LIN28A: variants seen among roughly 807,000 people sequenced by gnomAD.
The protein encoded by LIN28A is protein lin-28 homolog A.
A neutral mutation model predicts 21.1 loss-of-function variants in LIN28A; 11 were observed. That is an observed-to-expected ratio of 0.52 (90% confidence interval 0.33 to 0.86). LIN28A has a LOEUF of 0.86. Among genes scored for constraint, LIN28A ranks in the 40% least tolerant of loss-of-function variants. The pLI is 0.03. For synonymous variants in LIN28A, 111 were observed against 108.7 expected, an observed-to-expected ratio of 1.02 and a Z score of -0.13; for missense variants, 219 against 279.8, an observed-to-expected ratio of 0.78 and a Z score of 1.55.
chr1:26,411,238 T>G lies in LIN28A; in HGVS notation c.32-148T>G. 1 of 813,016 alleles carries G rather than the reference T, an allele frequency of 1.2e-6. No individual in the cohort carries two copies. Among genetic ancestry groups the G allele is most frequent in the Non-Finnish European group, 1.9e-6 (1 of 535,410 alleles). 50.4% of individuals were successfully genotyped at this position (813,016 alleles called of 1,614,324 possible). ...AGGGGAACGCGGGAGGCGACCGGGATAGGTTTCTTCTCTTCTGTTGCTTGG... is the reference window on the plus strand; with the variant it reads ...AGGGGAACGCGGGAGGCGACCGGGAGAGGTTTCTTCTCTTCTGTTGCTTGG... On this transcript the variant is annotated intron_variant, in intron 1 of 3. Transcript: ENST00000326279. The surrounding 1 kb of genome is among the most constrained non-coding windows in gnomAD (Gnocchi z 5.4).
At chr1:26,425,187 C>T (rs935757392) in intron 2 of LIN28A, 116 bp from the exon 3 acceptor site, 37 of 972,922 alleles carry the variant, frequency 3.8e-5, no homozygotes, top group Non-Finnish European at 5.4e-5. Flanking sequence ...GTTTCCTTAC[C>T]AGTAAAATAG....
rs1227999059 is a variant in LIN28A, at chr1:26,411,266, G to C, written c.32-120G>C. 3.1e-6 allele frequency: 3 copies of C among 977,282 alleles called. No homozygotes were observed. The highest frequency in any genetic ancestry group is 4.4e-6 in the Non-Finnish European group (3 of 683,426). The allele number at this position is 977,282 out of a possible 1,614,324, so 60.5% of individuals were successfully genotyped here. A position where few individuals can be genotyped will look rare whatever the true frequency, so the allele number is the denominator to read the frequency against. On this transcript the variant is annotated intron_variant, in intron 1 of 3. Transcript: ENST00000326279. This position sits in a 1 kb window ranked among gnomAD's most constrained non-coding sequence, Gnocchi z 5.4. The stretch of plus-strand genomic sequence containing the variant: ...GTTTCTTCTCTTCTGTTGCTTGGTA[G>C]CTGCCCCCTCCTGGCTGTCCACTTG...
chr1:26,418,542 TAAAAA>T (rs10680192), intron 2 of LIN28A, among the ~76,000 whole-genome samples: 1 of 144,492 alleles, frequency 6.9e-6, no homozygotes, highest in Admixed American at 6.9e-5. Flanking sequence ...CCAGACTTTT[TAAAAA>T]AAAAAAAAAG....
chr1:26,426,527 G>A lies in LIN28A; in HGVS notation c.*69G>A, dbSNP rs1331077199. The A allele has an allele frequency of 5.5e-6, 7 of 1,271,856 alleles. No homozygotes were observed. The highest frequency in any genetic ancestry group is 3.7e-5 in the South Asian group (3 of 80,644). 78.8% of individuals were successfully genotyped at this position (1,271,856 alleles called of 1,614,324 possible). A position where few individuals can be genotyped will look rare whatever the true frequency, so the allele number is the denominator to read the frequency against. On this transcript the variant is annotated 3_prime_UTR_variant, in exon 4 of 4. Coordinates refer to ENST00000326279, the MANE Select transcript of LIN28A (RefSeq NM_024674.6). ...GAGGAGCAGGCAGAGTGGAGAAAGT[G>A]GGAATAGGGTGCATTGGGGCTAGTT...
At chr1:26,424,461 C>T (rs1202053413) in intron 2 of LIN28A, among the ~76,000 whole-genome samples, 2 of 152,078 alleles carry the variant, frequency 1.3e-5, no homozygotes, top group Admixed American at 6.6e-5. Flanking sequence ...AGGCTGGTCT[C>T]GAACTCTGGA....
chr1:26,421,858 G>T (rs188990188), intron 2 of LIN28A, among the ~76,000 whole-genome samples: 1 of 151,800 alleles, frequency 6.6e-6, no homozygotes, highest in African/African-American at 2.4e-5. Flanking sequence ...CCTCTACCCA[G>T]ATTCATTGAC....
chr1:26,412,389 A>C (rs995281252), intron 2 of LIN28A, among the ~76,000 whole-genome samples: 1 of 152,140 alleles, frequency 6.6e-6, no homozygotes, highest in African/African-American at 2.4e-5. Context: ...CCAGACAGCC[A>C]TTGATTGCTG....
intron 2 of LIN28A, among the ~76,000 whole-genome samples, chr1:26,414,259 T>C (rs1049761038): frequency 2.0e-5 from 3 of 152,100 alleles, no homozygotes; most frequent in African/African-American, 7.2e-5. Flanking sequence ...TAACAAAACT[T>C]CCCATTCTTT....
rs1030757759 is a variant in LIN28A, at chr1:26,427,774, T to C, written c.*1316T>C. On this transcript the variant is annotated 3_prime_UTR_variant, in exon 4 of 4. Coordinates refer to ENST00000326279, the MANE Select transcript of LIN28A (RefSeq NM_024674.6). ...ATCCTGTGCTGTCGAGGGATGGATA[T>C]ATGAAGTAAGGTGAGATCCTTAACC... 7 of 152,312 alleles carry C rather than the reference T, an allele frequency of 4.6e-5. No homozygotes were observed. Among genetic ancestry groups the C allele is most frequent in the African/African-American group, 1.4e-4 (6 of 41,438 alleles). 9.4% of individuals were successfully genotyped at this position (152,312 alleles called of 1,614,324 possible). A position where few individuals can be genotyped will look rare whatever the true frequency, so the allele number is the denominator to read the frequency against.
chr1:26,420,568 C>T (rs998468234), intron 2 of LIN28A, among the ~76,000 whole-genome samples: 12 of 144,470 alleles, frequency 8.3e-5, no homozygotes, highest in Non-Finnish European at 1.6e-4. Flanking sequence ...CGTGTCACTG[C>T]ACTTCAGCAT....
chr1:26,418,015 T>C (rs931626002), intron 2 of LIN28A, among the ~76,000 whole-genome samples: 15 of 151,948 alleles, frequency 9.9e-5, no homozygotes, highest in African/African-American at 3.6e-4. Context: ...TTTTTTTTTT[T>C]CTCTTCATAC....
rs2075036667 is a variant in LIN28A, at chr1:26,423,115, G to A, written c.229-2188G>A. On this transcript the variant is annotated intron_variant, in intron 2 of 3. Coordinates refer to ENST00000326279, the MANE Select transcript of LIN28A (RefSeq NM_024674.6). ...ATCACCCAGGCTGGAGTACAGTGGT[G>A]CCATCTCTGCAACCTCTGCCTCCCG... 2.0e-5 allele frequency among the ~76,000 whole-genome samples: 3 copies of A among 152,162 alleles called. No homozygotes were observed. The Middle Eastern group carries it at 0.01, about 518-fold the overall frequency.
chr1:26,426,072 G>A (rs2075057475), intron 3 of LIN28A, among the ~76,000 whole-genome samples, 170 bp from the exon 4 acceptor site: 1 of 152,180 alleles, frequency 6.6e-6, no homozygotes. Context: ...ATGTGGAAAG[G>A]ACTTAGAGAT....
chr1:26,411,857 G>GCAGGGAGGTGA lies in LIN28A; in HGVS notation c.228+277_228+287dup. Among the ~76,000 whole-genome samples, 1 of 152,284 alleles carries GCAGGGAGGTGA rather than the reference G, an allele frequency of 6.6e-6. No individual in the cohort carries two copies. Among genetic ancestry groups the GCAGGGAGGTGA allele is most frequent in the Non-Finnish European group, 1.5e-5 (1 of 68,038 alleles). ...TCTTTCCCCTGGGAAGGGGCAGGGG[G>GCAGGGAGGTGA]CAGGGAGGTGACCCCATGTGGCAGA... On this transcript the variant is annotated intron_variant, in intron 2 of 3. Coordinates refer to ENST00000326279, the MANE Select transcript of LIN28A (RefSeq NM_024674.6). The surrounding 1 kb of genome is among the most constrained non-coding windows in gnomAD (Gnocchi z 5.4).
At chr1:26,415,055 T>C (rs550352237) in intron 2 of LIN28A, among the ~76,000 whole-genome samples, 45 of 152,302 alleles carry the variant, frequency 3.0e-4, no homozygotes, top group African/African-American at 1.1e-3. Flanking sequence ...AATTTGGAAA[T>C]AAGAAAAGTT....
At chr1:26,421,145 A>G (rs567566194) in intron 2 of LIN28A, among the ~76,000 whole-genome samples, 1 of 152,068 alleles carries the variant, frequency 6.6e-6, no homozygotes, top group Admixed American at 6.6e-5. Flanking sequence ...ATTGTTCTAA[A>G]TCTTGCTTTT....
At position 26,411,394 on chromosome 1, in the gene LIN28A, G is replaced by A. The variant is rs758226388; in HGVS notation, c.40G>A (p.Ala14Thr). ...GCCCTCCCTCTCTCCAGGTGGCTGC[G>A]CCAAGGCGGCAGAAGAGGCGCCCGA... ...VSNQQFAGGC[A>T]KAAEEAPEEA... The change falls in exon 2 of 4, where the codon GCC becomes ACC. Residue 14 changes from alanine to threonine, a missense_variant. Physicochemically the swap from Ala to Thr is moderately conservative, Grantham distance 58 (BLOSUM62 0). Transcript: ENST00000326279. This position sits in a 1 kb window ranked among gnomAD's most constrained non-coding sequence, Gnocchi z 5.4. 4.4e-5 allele frequency: 70 copies of A among 1,593,932 alleles called. No homozygotes were observed. In the South Asian group the frequency reaches 7.6e-4, roughly 17 times the overall value.
intron 2 of LIN28A, among the ~76,000 whole-genome samples, chr1:26,423,251 G>A (rs781386481): frequency 2.0e-5 from 3 of 151,940 alleles, no homozygotes; most frequent in Non-Finnish European, 4.4e-5. Context: ...ACGTAGGCCA[G>A]GCTGGTGTTG....
rs59199267 is a variant in LIN28A, at chr1:26,418,003, GT to G, written c.228+6433del. 4.1e-3 allele frequency among the ~76,000 whole-genome samples: 584 copies of G among 142,850 alleles called. 2 individuals carry two copies. Among genetic ancestry groups the G allele is most frequent in the African/African-American group, 0.013 (491 of 39,280 alleles). 93.7% of individuals were successfully genotyped at this position (142,850 alleles called of 152,430 possible). A position where few individuals can be genotyped will look rare whatever the true frequency, so the allele number is the denominator to read the frequency against. On this transcript the variant is annotated intron_variant, in intron 2 of 3. Transcript: ENST00000326279. ...AAGGACACTTAGGTTCCTTTGTGTT[GT>G]TTTTTTTTTTTCTCTTCATACTTTT...
Sources: allele counts gnomAD v4.1 joint callset (sites outside exome capture counted in the v4.1 genomes callset), GRCh38; gene constraint gnomAD v4.1.1; non-coding constraint Gnocchi (gnomAD v3.1); transcripts MANE v1.5; gene names NCBI Gene and HGNC (gene_info 2026-07-23, HGNC 2026-07-21).